Variants in DEPDC5 observed in about 807,000 individuals in gnomAD.
DEPDC5 encodes the protein DEP domain containing 5, GATOR1 subcomplex subunit.
In DEPDC5, 73 loss-of-function variants were observed where a neutral mutation model predicts 217.3. The ratio of observed to expected loss-of-function variants is 0.34; its 90% CI spans 0.28 to 0.41. The LOEUF (loss-of-function observed/expected upper bound fraction) is 0.41. Ranked by LOEUF, DEPDC5 falls within the 10% of genes least tolerant of loss-of-function variation. The pLI is 1.00. For missense variants in DEPDC5, 1,675 were observed against 2,070.1 expected (o/e 0.81, Z 3.70); for synonymous variants, 733 against 756.7 (o/e 0.97, Z 0.51).
intron 10 of DEPDC5, among the ~76,000 whole-genome samples, chr22:31,786,533 G>A (rs549652619): frequency 2.0e-5 from 3 of 151,442 alleles, no homozygotes; most frequent in Admixed American, 2.0e-4. Flanking sequence ...TGTTGCCCAG[G>A]CTGGAGTGCA....
At chr22:31,890,067 G>A (rs745783950) in intron 38 of DEPDC5, among the ~76,000 whole-genome samples, 7 of 152,140 alleles carry the variant, frequency 4.6e-5, no homozygotes, top group Non-Finnish European at 7.3e-5. Flanking sequence ...AAGGAAAAGA[G>A]GAGAGTTACA....
chr22:31,776,102 T>G (rs2083823393), intron 7 of DEPDC5, among the ~76,000 whole-genome samples: 1 of 151,040 alleles, frequency 6.6e-6, no homozygotes. Flanking sequence ...TTGTCTCTTT[T>G]GTTTTGTTTG....
At chr22:31,890,657 C>G (rs1411257510) in intron 38 of DEPDC5, among the ~76,000 whole-genome samples, 4 of 151,304 alleles carry the variant, frequency 2.6e-5, no homozygotes, top group African/African-American at 7.3e-5. Context: ...TGCAGTGAGC[C>G]GAGATCACGC....
At chr22:31,843,599 TGTC>T (rs1430850118) in intron 28 of DEPDC5, 43 bp from the exon 29 acceptor site, 2 of 1,566,570 alleles carry the variant, frequency 1.3e-6, no homozygotes, top group Non-Finnish European at 1.7e-6. Context: ...GGCAGGAATT[TGTC>T]TCTAACTCTT....
Position 31,857,439 on chromosome 22 carries a change from T to C in DEPDC5, c.3156-6T>C. The C allele has an allele frequency of 6.3e-7, 1 of 1,597,172 alleles. No homozygotes were observed. Among genetic ancestry groups the C allele is most frequent in the African/African-American group, 1.3e-5 (1 of 74,792 alleles). On this transcript the variant is annotated splice_region_variant and splice_polypyrimidine_tract_variant and intron_variant, in intron 31 of 42. Coordinates refer to ENST00000651528, the MANE Select transcript of DEPDC5 (RefSeq NM_001242896.3). The stretch of plus-strand genomic sequence containing the variant: ...AGCTGCTGTCATGTGCTTTTCCTCC[T>C]TTCAGGTGCCTGGGAGAACAGCAGG...
intron 2 of DEPDC5, among the ~76,000 whole-genome samples, chr22:31,756,491 A>G (rs1315393811): frequency 1.3e-5 from 2 of 152,234 alleles, no homozygotes; most frequent in Admixed American, 6.5e-5. Flanking sequence ...GTGGAGTGGA[A>G]TAAAGCAAAT....
chr22:31,810,491 A>G (rs1239587681), intron 19 of DEPDC5, 30 bp from the exon 20 acceptor site: 1 of 1,613,106 alleles, frequency 6.2e-7, no homozygotes, highest in Admixed American at 1.7e-5. Flanking sequence ...AATGTATTTG[A>G]TGACAATTTA....
intron 18 of DEPDC5, 131 bp downstream of exon 18, chr22:31,806,322 C>A: frequency 1.4e-6 from 1 of 730,880 alleles, no homozygotes; most frequent in South Asian, 2.0e-5. Context: ...CCATTCTGCC[C>A]AGCCAAGAAG....
In DEPDC5 at chr22:31,830,567, C is replaced by T. The variant is rs2090514064; in HGVS notation, c.2105-3348C>T. On this transcript the variant is annotated intron_variant, in intron 24 of 42. Coordinates refer to ENST00000651528, the MANE Select transcript of DEPDC5 (RefSeq NM_001242896.3). ...TTCCTGGAAGTCCTTAAAATATTTGCTTAAAAGCATAATAGCTTCCTGGAA... is the reference window on the plus strand; with the variant it reads ...TTCCTGGAAGTCCTTAAAATATTTGTTTAAAAGCATAATAGCTTCCTGGAA... Among the ~76,000 whole-genome samples, 3 of 151,914 alleles carry T rather than the reference C, an allele frequency of 2.0e-5. No homozygotes were observed. The South Asian group carries it at 6.2e-4, about 32-fold the overall frequency.
intron 36 of DEPDC5, chr22:31,875,480 A>G (rs2149262787): frequency 6.6e-6 from 1 of 152,290 alleles, no homozygotes; most frequent in Non-Finnish European, 1.5e-5. Context: ...ATTTAAGAAT[A>G]ATATTACACT....
intron 10 of DEPDC5, among the ~76,000 whole-genome samples, chr22:31,791,041 C>G (rs2085573679): frequency 6.6e-6 from 1 of 152,090 alleles, no homozygotes. Context: ...GCCACCACGC[C>G]CAGCCGAAAC....
At chr22:31,787,561 CT>C (rs2085134757) in intron 10 of DEPDC5, among the ~76,000 whole-genome samples, 1 of 152,056 alleles carries the variant, frequency 6.6e-6, no homozygotes, top group Non-Finnish European at 1.5e-5. Context: ...AATCCCAGCA[CT>C]TTGGGAGGCT....
chr22:31,880,345 T>C (rs2093140541), intron 38 of DEPDC5: 2 of 156,018 alleles, frequency 1.3e-5, no homozygotes. Context: ...TGATAGGAAA[T>C]GGGGAACTCT....
intron 26 of DEPDC5, among the ~76,000 whole-genome samples, chr22:31,838,432 A>G (rs1353766972): frequency 1.3e-5 from 2 of 152,034 alleles, no homozygotes; most frequent in Non-Finnish European, 2.9e-5. Context: ...TTTGGTAGAG[A>G]CAGGGTTTTG....
At chr22:31,790,650 G>A (rs898528555) in intron 10 of DEPDC5, among the ~76,000 whole-genome samples, 3 of 151,886 alleles carry the variant, frequency 2.0e-5, no homozygotes, top group African/African-American at 7.3e-5. Flanking sequence ...CTGGCATTGT[G>A]GCTCACGCCT....
chr22:31,770,333 CT>C (rs1750418164), intron 7 of DEPDC5, among the ~76,000 whole-genome samples: 1 of 151,260 alleles, frequency 6.6e-6, no homozygotes, highest in African/African-American at 2.4e-5. Flanking sequence ...CAACTTGTTT[CT>C]TTCCTGAAAT....
At chr22:31,787,840 A>G (rs1234574464) in intron 10 of DEPDC5, among the ~76,000 whole-genome samples, 9 of 151,874 alleles carry the variant, frequency 5.9e-5, no homozygotes, top group East Asian at 1.9e-4. Flanking sequence ...AGAAGAAGAA[A>G]AAAGAAGACA....
At chr22:31,762,686 C>T (rs1280785293) in intron 4 of DEPDC5, among the ~76,000 whole-genome samples, 1 of 152,138 alleles carries the variant, frequency 6.6e-6, no homozygotes, top group Non-Finnish European at 1.5e-5. Flanking sequence ...TTGCTTGAAT[C>T]TGGGAGGCAG....
rs759350041 is a variant in DEPDC5, at chr22:31,758,653, C to T, written c.146+20C>T. Reference sequence around the variant, plus strand: ...ATACAGGTGAGTGTCTCATAGGATCCATGGAACTGGGCAATTCACTGTTTC... The same window carrying T: ...ATACAGGTGAGTGTCTCATAGGATCTATGGAACTGGGCAATTCACTGTTTC... On this transcript the variant is annotated intron_variant, in intron 3 of 42. Transcript: ENST00000651528. The T allele has an allele frequency of 2.5e-6, 4 of 1,606,430 alleles. No homozygotes were observed. In the East Asian group the frequency reaches 8.9e-5, roughly 36 times the overall value.
Sources: allele counts gnomAD v4.1 joint callset (sites outside exome capture counted in the v4.1 genomes callset), GRCh38; gene constraint gnomAD v4.1.1; transcripts MANE v1.5; gene names NCBI Gene and HGNC (gene_info 2026-07-23, HGNC 2026-07-21).